Variants in MYCBP2 observed in about 807,000 individuals in gnomAD.
The protein encoded by MYCBP2 is MYC binding protein 2, also known as E3 ubiquitin-protein ligase MYCBP2.
Under a neutral mutation model 525.3 loss-of-function variants are expected in MYCBP2, and 120 were observed. The ratio of observed to expected loss-of-function variants is 0.23; its 90% CI spans 0.20 to 0.27. The LOEUF is 0.27. Ranked by LOEUF, MYCBP2 falls within the 10% of genes least tolerant of loss-of-function variation. The probability of loss-of-function intolerance (pLI) is 1.00; values close to 1 mark genes in which losing one functional copy is unlikely to be tolerated. For synonymous variants in MYCBP2, 1,894 were observed against 1,955.8 expected (o/e 0.97, Z 0.83); for missense variants, 4,149 against 5,657.1 (o/e 0.73, Z 8.55).
At chr13:77,085,846 C>T (rs2044166741) in intron 62 of MYCBP2, among the ~76,000 whole-genome samples, 1 of 152,182 alleles carries the variant, frequency 6.6e-6, no homozygotes, top group Non-Finnish European at 1.5e-5. Flanking sequence ...TGCCAACCCA[C>T]AGACTGTCAG....
intron 17 of MYCBP2, among the ~76,000 whole-genome samples, chr13:77,239,923 C>A (rs1471343286): frequency 6.6e-6 from 1 of 152,050 alleles, no homozygotes; most frequent in Non-Finnish European, 1.5e-5. Flanking sequence ...ATAACTTTTA[C>A]TCTATTTATA....
chr13:77,205,216 T>G, intron 26 of MYCBP2, 40 bp downstream of exon 26: 1 of 1,455,842 alleles, frequency 6.9e-7, no homozygotes. Flanking sequence ...AAAATCAGTA[T>G]GTTCAAACAA....
chr13:77,081,685 T>C lies in MYCBP2; in HGVS notation c.11194-34A>G, dbSNP rs2043328815. On this transcript the variant is annotated intron_variant, in intron 64 of 82. Coordinates refer to ENST00000544440, the MANE Select transcript of MYCBP2 (RefSeq NM_015057.5). This position sits in a 1 kb window ranked among gnomAD's most constrained non-coding sequence, Gnocchi z 4.6. The stretch of plus-strand genomic sequence containing the variant: ...AACAAATATAAGTACTTATGATACT[T>C]AAAAGCAAATCTTTCGTGATGATAA... 1 of 1,559,490 alleles carries C rather than the reference T, an allele frequency of 6.4e-7. No individual in the cohort carries two copies. The highest frequency in any genetic ancestry group is 1.4e-5 in the African/African-American group (1 of 72,920).
chr13:77,205,213 G>A, intron 26 of MYCBP2, 43 bp downstream of exon 26: 2 of 1,448,790 alleles, frequency 1.4e-6, no homozygotes, highest in Non-Finnish European at 1.8e-6. Flanking sequence ...GTCAAAATCA[G>A]TATGTTCAAA....
At chr13:77,115,754 G>A (rs902122774) in intron 55 of MYCBP2, among the ~76,000 whole-genome samples, 16 of 151,100 alleles carry the variant, frequency 1.1e-4, no homozygotes, top group Admixed American at 9.2e-4. Context: ...ACCATGCACC[G>A]GTTGATGTGT....
At chr13:77,121,639 G>A in intron 54 of MYCBP2, 144 bp from the exon 55 acceptor site, 2 of 734,262 alleles carry the variant, frequency 2.7e-6, no homozygotes, top group Non-Finnish European at 3.9e-6. Context: ...TTAAATACCA[G>A]TCAGGTCATC....
At chr13:77,135,812 T>C (rs2053653734) in intron 52 of MYCBP2, among the ~76,000 whole-genome samples, 1 of 152,104 alleles carries the variant, frequency 6.6e-6, no homozygotes, top group South Asian at 2.1e-4. Flanking sequence ...CTTCCTCCAA[T>C]GGTAAACACA....
chr13:77,066,316 G>C (rs1163674732), intron 71 of MYCBP2, among the ~76,000 whole-genome samples: 1 of 152,132 alleles, frequency 6.6e-6, no homozygotes, highest in Non-Finnish European at 1.5e-5. Context: ...CATTATTTCT[G>C]TGTGCATCTT....
At chr13:77,278,651 T>C (rs2075874268) in intron 4 of MYCBP2, 107 bp downstream of exon 4, 1 of 1,017,956 alleles carries the variant, frequency 9.8e-7, no homozygotes, top group African/African-American at 1.7e-5. Context: ...ACATTTTCTG[T>C]AGTGAGAACT....
intron 32 of MYCBP2, among the ~76,000 whole-genome samples, chr13:77,182,452 G>C: frequency 6.6e-6 from 1 of 152,128 alleles, no homozygotes; most frequent in South Asian, 2.1e-4. Context: ...GCCAACACAT[G>C]ATATCCTAAT....
In MYCBP2 at chr13:77,067,644, G is replaced by A. The variant is rs2040433841; in HGVS notation, c.12392C>T (p.Thr4131Ile). 3.1e-6 allele frequency: 5 copies of A among 1,614,070 alleles called. No individual in the cohort carries two copies. The highest frequency in any genetic ancestry group is 1.7e-5 in the Admixed American group (1 of 60,008). The change falls in exon 71 of 83, where the codon ACA becomes ATA. Residue 4131 changes from threonine to isoleucine, a missense_variant. Transcript: ENST00000544440. ...TCCTTTGCCCACAGTGGTACCAGCT[G>A]TTCCAGTGATGGTGGTTCCTTTGGC... ...LKAKGTTITG[T>I]AGTTVGKGVT...
At chr13:77,323,802 C>T (rs2081978190) in intron 1 of MYCBP2, among the ~76,000 whole-genome samples, 1 of 152,124 alleles carries the variant, frequency 6.6e-6, no homozygotes, top group South Asian at 2.1e-4. Flanking sequence ...TGATGCCTAT[C>T]CTCAATAAAC....
Position 77,044,845 on chromosome 13 carries a change from GAT to G in MYCBP2, c.*531_*532del, listed in dbSNP as rs1448806240. On this transcript the variant is annotated 3_prime_UTR_variant, in exon 83 of 83. Coordinates refer to ENST00000544440, the MANE Select transcript of MYCBP2 (RefSeq NM_015057.5). ...GTAATTCTTATACAGGACAAACATT[GAT>G]ATGTTTATATACAGTGTGATACTTA... is the stretch of plus-strand genomic sequence containing the variant. 1.3e-5 allele frequency: 5 copies of G among 397,628 alleles called. No individual in the cohort carries two copies. The highest frequency in any genetic ancestry group is 2.2e-5 in the Non-Finnish European group (5 of 225,880). The allele number at this position is 397,628 out of a possible 1,614,324, so 24.6% of individuals were successfully genotyped here.
chr13:77,087,605 A>C lies in MYCBP2; in HGVS notation c.10754T>G (p.Ile3585Ser). ...EAFNWLLCNV[I>S]QTTSLHDILW... is the part of the protein sequence containing the mutation. ...AATATCATGGAGAGAAGTGGTTTGG[A>C]TGACATTACACAGAAGCCAGTTGAA... The change falls in exon 62 of 83, where the codon ATC (isoleucine) becomes AGC (serine). Residue 3585 changes from isoleucine (I) to serine (S), a missense_variant. Around this residue, in one of 21 missense-constraint regions of MYCBP2, gnomAD observed 509 missense variants for 789.4 expected, o/e 0.64. Transcript: ENST00000544440. 1 of 1,613,196 alleles carries C rather than the reference A, an allele frequency of 6.2e-7. No individual in the cohort carries two copies. The highest frequency in any genetic ancestry group is 8.5e-7 in the Non-Finnish European group (1 of 1,179,506).
chr13:77,060,323 T>C (rs935729852), intron 76 of MYCBP2, among the ~76,000 whole-genome samples: 1 of 152,148 alleles, frequency 6.6e-6, no homozygotes, highest in Non-Finnish European at 1.5e-5. Flanking sequence ...ACAAGGATGG[T>C]TTGACATTAG....
intron 35 of MYCBP2, among the ~76,000 whole-genome samples, chr13:77,177,312 T>C (rs1218002455): frequency 1.3e-5 from 2 of 151,170 alleles, no homozygotes. Flanking sequence ...GTAAAATCAT[T>C]ATTTTTCAAT....
chr13:77,253,670 A>G (rs2071613878), intron 14 of MYCBP2, among the ~76,000 whole-genome samples: 1 of 151,970 alleles, frequency 6.6e-6, no homozygotes, highest in South Asian at 2.1e-4. Flanking sequence ...AATACAATCA[A>G]TTTGAGAAAA....
intron 17 of MYCBP2, among the ~76,000 whole-genome samples, chr13:77,239,841 A>T (rs1350536092): frequency 1.3e-5 from 2 of 152,244 alleles, no homozygotes; most frequent in African/African-American, 4.8e-5. Flanking sequence ...TTTTTTAAAA[A>T]GCAAAGGTAA....
At chr13:77,108,217 A>G (rs1459099754) in intron 55 of MYCBP2, among the ~76,000 whole-genome samples, 1 of 151,338 alleles carries the variant, frequency 6.6e-6, no homozygotes, top group African/African-American at 2.4e-5. Flanking sequence ...GTTTCTCTAA[A>G]TGACATCTAC....
Sources: allele counts gnomAD v4.1 joint callset (sites outside exome capture counted in the v4.1 genomes callset), GRCh38; gene constraint gnomAD v4.1.1; regional missense constraint gnomAD v4.1.1; non-coding constraint Gnocchi (gnomAD v3.1); transcripts MANE v1.5; gene names NCBI Gene and HGNC (gene_info 2026-07-23, HGNC 2026-07-21).